FBN2: variants seen among roughly 807,000 people sequenced by gnomAD.
FBN2 encodes fibrillin-2.
In FBN2, 105 loss-of-function variants were observed where a neutral mutation model predicts 355.6. The observed-to-expected ratio is 0.30, with a 90% CI of 0.25 to 0.35. The LOEUF (loss-of-function observed/expected upper bound fraction) is 0.35, where lower values mean the gene tolerates loss of function less well. FBN2 is among the 10% of genes least tolerant of loss of function. FBN2 has a pLI of 1.00. For synonymous variants in FBN2, 1,350 were observed against 1,301.2 expected (o/e 1.04, Z -0.81); for missense variants, 3,280 against 3,758.7 (o/e 0.87, Z 3.33).
At chr5:128,530,267 T>A (rs1756667174) in intron 3 of FBN2, among the ~76,000 whole-genome samples, 1 of 152,168 alleles carries the variant, frequency 6.6e-6, no homozygotes. Flanking sequence ...ACATGCTGCC[T>A]TTGGAGTTCT....
In FBN2 at chr5:128,537,488, C is replaced by A. The variant is rs753160272; in HGVS notation, c.116G>T (p.Arg39Leu). Residue 39 changes from arginine (R) to leucine (L), a missense_variant, in exon 1 of 65, where the codon CGG becomes CTG. This residue lies in a region of FBN2 where 203 missense variants were observed against 142.2 expected (regional missense o/e 1.43). Coordinates refer to ENST00000262464, the MANE Select transcript of FBN2 (RefSeq NM_001999.4). ...QPQPPPPKPP[R>L]PQPPPQQVRS... ...AACCTGTTGCGGCGGCGGCTGGGGCCGGGGCGGCTTGGGCGGAGGAGGCTG... is the reference window on the plus strand; with the variant it reads ...AACCTGTTGCGGCGGCGGCTGGGGCAGGGGCGGCTTGGGCGGAGGAGGCTG... 2.5e-6 allele frequency: 4 copies of A among 1,592,368 alleles called. No homozygotes were observed. Among genetic ancestry groups the A allele is most frequent in the Non-Finnish European group, 3.4e-6 (4 of 1,171,828 alleles).
intron 16 of FBN2, among the ~76,000 whole-genome samples, chr5:128,368,499 C>CAT (rs1427893280): frequency 2.1e-4 from 31 of 144,990 alleles, no homozygotes; most frequent in African/African-American, 5.9e-4. Flanking sequence ...CATATATATA[C>CAT]ATATATATAT....
intron 11 of FBN2, among the ~76,000 whole-genome samples, chr5:128,382,805 C>A (rs1205297668): frequency 1.3e-5 from 2 of 152,044 alleles, no homozygotes; most frequent in African/African-American, 4.8e-5. Flanking sequence ...TTTCTGCAGT[C>A]CTACATCACT....
At chr5:128,435,611 G>A (rs1753750987) in intron 7 of FBN2, among the ~76,000 whole-genome samples, 1 of 152,070 alleles carries the variant, frequency 6.6e-6, no homozygotes, top group Admixed American at 6.6e-5. Context: ...GGGTGCAGCA[G>A]GAGCACAGAT....
intron 7 of FBN2, among the ~76,000 whole-genome samples, chr5:128,423,144 T>G (rs1282788528): frequency 1.3e-5 from 2 of 152,004 alleles, no homozygotes; most frequent in Non-Finnish European, 2.9e-5. Flanking sequence ...AAGACTTCCC[T>G]GGGAAAGTGA....
intron 30 of FBN2, 94 bp from the exon 31 acceptor site, chr5:128,334,938 G>A: frequency 8.0e-7 from 1 of 1,254,024 alleles, no homozygotes; most frequent in Non-Finnish European, 1.2e-6. Flanking sequence ...GAAATACACA[G>A]GCAAGATCTA....
At chr5:128,439,867 A>G (rs1263067698) in intron 7 of FBN2, among the ~76,000 whole-genome samples, 1 of 152,142 alleles carries the variant, frequency 6.6e-6, no homozygotes, top group Non-Finnish European at 1.5e-5. Context: ...TCTTTTGTAT[A>G]CATAATATTT....
intron 21 of FBN2, 135 bp from the exon 22 acceptor site, chr5:128,350,140 T>C (rs1436399326): frequency 4.1e-6 from 3 of 740,488 alleles, no homozygotes; most frequent in African/African-American, 1.7e-5. Flanking sequence ...TCCAAGGACA[T>C]CATTGTCCCC....
chr5:128,514,379 T>C (rs1453955795), intron 5 of FBN2, among the ~76,000 whole-genome samples: 1 of 152,164 alleles, frequency 6.6e-6, no homozygotes, highest in Non-Finnish European at 1.5e-5. Flanking sequence ...TGAGCTCTCT[T>C]ACTTTTTGTT....
chr5:128,288,293 C>A (rs1048530426), intron 53 of FBN2, 145 bp downstream of exon 53: 1 of 839,848 alleles, frequency 1.2e-6, no homozygotes, highest in Non-Finnish European at 1.9e-6. Flanking sequence ...TAAAAACCAA[C>A]CAACCAAACA....
At chr5:128,408,864 T>C (rs776410859) in intron 7 of FBN2, 65 bp from the exon 8 acceptor site, 48 of 1,285,454 alleles carry the variant, frequency 3.7e-5, no homozygotes, top group Non-Finnish European at 5.0e-5. Context: ...TTAAAAGAGA[T>C]TTTTTTTTTA....
At chr5:128,299,713 C>T (rs1749659727) in intron 48 of FBN2, among the ~76,000 whole-genome samples, 1 of 152,124 alleles carries the variant, frequency 6.6e-6, no homozygotes, top group African/African-American at 2.4e-5. Flanking sequence ...CTGACCTGCG[C>T]CCACTGTCTG....
In FBN2 at chr5:128,286,869, T is replaced by A; in HGVS notation, c.6881-20A>T. ...CCAGATCTAGAACAAAAAATAAAAA[T>A]TAAAAATTATCTGGAGCAAGCTGTA... is the stretch of plus-strand genomic sequence containing the variant. On this transcript the variant is annotated intron_variant, in intron 54 of 64. Coordinates refer to ENST00000262464, the MANE Select transcript of FBN2 (RefSeq NM_001999.4). 1 of 1,612,256 alleles carries A rather than the reference T, an allele frequency of 6.2e-7. No homozygotes were observed. The highest frequency in any genetic ancestry group is 2.2e-5 in the East Asian group (1 of 44,760).
At chr5:128,316,498 T>C (rs1331137244) in intron 36 of FBN2, among the ~76,000 whole-genome samples, 1 of 152,202 alleles carries the variant, frequency 6.6e-6, no homozygotes, top group Non-Finnish European at 1.5e-5. Flanking sequence ...TGTCAATCCA[T>C]ACAAATCGAA....
chr5:128,499,980 G>T (rs912371366), intron 5 of FBN2, among the ~76,000 whole-genome samples: 2 of 152,046 alleles, frequency 1.3e-5, no homozygotes, highest in Admixed American at 6.6e-5. Flanking sequence ...AGAAGATGAG[G>T]CACCCACAGA....
chr5:128,374,737 G>A lies in FBN2; in HGVS notation c.1986C>T (p.Cys662=). The A allele has an allele frequency of 6.2e-7, 1 of 1,613,804 alleles. No individual in the cohort carries two copies. Among genetic ancestry groups the A allele is most frequent in the Non-Finnish European group, 8.5e-7 (1 of 1,179,818 alleles). ...CATTCATGCAGATTCCTGGGGTCTG[G>A]CATTCATCAACATCTGTGCAGTGGG... ...NGRYCTDVDE[C]QTPGICMNGH... The change falls in exon 15 of 65, where the codon TGC becomes TGT. Residue 662 remains cysteine, a synonymous_variant. Transcript: ENST00000262464.
intron 7 of FBN2, among the ~76,000 whole-genome samples, chr5:128,424,138 C>A (rs1173641159): frequency 6.6e-6 from 1 of 152,032 alleles, no homozygotes; most frequent in East Asian, 1.9e-4. Flanking sequence ...GTATACGTGC[C>A]TGGCAGGCAG....
intron 4 of FBN2, among the ~76,000 whole-genome samples, chr5:128,519,648 A>G (rs993003155): frequency 4.6e-5 from 7 of 152,070 alleles, no homozygotes; most frequent in African/African-American, 1.7e-4. Flanking sequence ...TCAGAATCAT[A>G]TTCGCTGGCT....
chr5:128,492,423 C>T (rs1335446162), intron 5 of FBN2, among the ~76,000 whole-genome samples: 2 of 152,216 alleles, frequency 1.3e-5, no homozygotes, highest in Non-Finnish European at 2.9e-5. Context: ...CACAAAGAGG[C>T]AGCTACATAA....
Sources: gnomAD v4.1 joint callset for allele counts (sites outside exome capture counted in the v4.1 genomes callset) on GRCh38, gnomAD v4.1.1 for gene constraint, gnomAD v4.1.1 regional missense constraint, MANE v1.5 for transcripts, NCBI Gene and HGNC (gene_info 2026-07-23, HGNC 2026-07-21) for gene names.